COX7B2: variants seen among roughly 807,000 people sequenced by gnomAD.
COX7B2 encodes the protein cytochrome c oxidase subunit 7B2, mitochondrial.
For synonymous variants in COX7B2, 37 were observed against 32.1 expected, an observed-to-expected ratio of 1.15 and a Z score of -0.51; for missense variants, 109 against 95.9, an observed-to-expected ratio of 1.14 and a Z score of -0.57.
chr4:46,849,631 G>C (rs1396558767), intron 1 of COX7B2, among the ~76,000 whole-genome samples: 1 of 151,986 alleles, frequency 6.6e-6, no homozygotes, highest in Non-Finnish European at 1.5e-5. Flanking sequence ...GCTAAATAAG[G>C]TATTACATAA....
chr4:46,887,075 A>C (rs1177424448), intron 1 of COX7B2, among the ~76,000 whole-genome samples: 1 of 152,260 alleles, frequency 6.6e-6, no homozygotes, highest in Admixed American at 6.5e-5. Context: ...AGGAAGGCTT[A>C]ATAAAAATCA....
At chr4:46,900,951 T>A (rs1159697461) in intron 1 of COX7B2, among the ~76,000 whole-genome samples, 1 of 152,212 alleles carries the variant, frequency 6.6e-6, no homozygotes, top group Non-Finnish European at 1.5e-5. Flanking sequence ...AAACTCAACA[T>A]AATGTGAACT....
intron 2 of COX7B2, among the ~76,000 whole-genome samples, chr4:46,769,288 A>T (rs77745642): frequency 0.011 from 1,668 of 152,314 alleles, 19 homozygotes; most frequent in Middle Eastern, 0.041. Context: ...TTACAGGACA[A>T]TATTCTTGAT....
chr4:46,799,507 C>G (rs1413607511), intron 2 of COX7B2, among the ~76,000 whole-genome samples: 1 of 152,062 alleles, frequency 6.6e-6, no homozygotes, highest in African/African-American at 2.4e-5. Flanking sequence ...ACAGATAGCT[C>G]TTATTATTTC....
intron 2 of COX7B2, among the ~76,000 whole-genome samples, chr4:46,744,542 T>A (rs1281620694): frequency 1.3e-5 from 2 of 151,894 alleles, no homozygotes; most frequent in Non-Finnish European, 2.9e-5. Flanking sequence ...AGACTCTGAA[T>A]AAAAATATTT....
intron 2 of COX7B2, among the ~76,000 whole-genome samples, chr4:46,814,639 CAGTA>C (rs1368827501): frequency 2.0e-5 from 3 of 152,080 alleles, no homozygotes; most frequent in African/African-American, 7.2e-5. Context: ...TAATGAACGA[CAGTA>C]AGTGATGATA....
At chr4:46,865,319 G>T (rs1196296547) in intron 1 of COX7B2, among the ~76,000 whole-genome samples, 7 of 152,134 alleles carry the variant, frequency 4.6e-5, no homozygotes, top group Non-Finnish European at 1.0e-4. Flanking sequence ...GTAGTCCATG[G>T]TTGTGTATGT....
chr4:46,800,153 T>A (rs1718577563), intron 2 of COX7B2, among the ~76,000 whole-genome samples: 1 of 152,080 alleles, frequency 6.6e-6, no homozygotes, highest in Non-Finnish European at 1.5e-5. Context: ...GTTTACATGC[T>A]CATAAATAGA....
At chr4:46,803,412 A>AT (rs1718771584) in intron 2 of COX7B2, among the ~76,000 whole-genome samples, 1 of 152,154 alleles carries the variant, frequency 6.6e-6, no homozygotes, top group Admixed American at 6.5e-5. Context: ...TATATTCAAA[A>AT]TTTTGAGTTC....
chr4:46,826,663 T>C (rs978741907), intron 2 of COX7B2, among the ~76,000 whole-genome samples: 1 of 152,172 alleles, frequency 6.6e-6, no homozygotes, highest in Non-Finnish European at 1.5e-5. Context: ...ATATACATCA[T>C]GGAATACTAT....
intron 2 of COX7B2, among the ~76,000 whole-genome samples, chr4:46,769,863 T>G (rs142697964): frequency 6.6e-6 from 1 of 152,010 alleles, no homozygotes; most frequent in Non-Finnish European, 1.5e-5. Flanking sequence ...AAAGACCATA[T>G]ACAATAAGCC....
intron 2 of COX7B2, among the ~76,000 whole-genome samples, chr4:46,754,546 T>C (rs1489869377): frequency 6.6e-5 from 1 of 15,122 alleles, no homozygotes; most frequent in Non-Finnish European, 1.1e-4. Context: ...GGGTGGGGGG[T>C]GGGGGGAGGG....
At chr4:46,844,488 G>T (rs2109763086) in intron 2 of COX7B2, among the ~76,000 whole-genome samples, 1 of 152,062 alleles carries the variant, frequency 6.6e-6, no homozygotes, top group East Asian at 1.9e-4. Context: ...AGTCACGGAA[G>T]CATATAAATA....
intron 2 of COX7B2, among the ~76,000 whole-genome samples, chr4:46,832,143 T>G (rs1203367549): frequency 6.6e-6 from 1 of 151,990 alleles, no homozygotes; most frequent in African/African-American, 2.4e-5. Flanking sequence ...CCGTGGAAGG[T>G]TTGTTCTTTC....
chr4:46,758,689 G>A (rs1489290422), intron 2 of COX7B2, among the ~76,000 whole-genome samples: 24 of 152,200 alleles, frequency 1.6e-4, no homozygotes, highest in Admixed American at 1.6e-3. Flanking sequence ...TCTCAAAGTA[G>A]AAATTTAGTG....
chr4:46,754,810 C>T (rs981328608), intron 2 of COX7B2, among the ~76,000 whole-genome samples: 28 of 145,012 alleles, frequency 1.9e-4, no homozygotes, highest in Admixed American at 1.4e-4. Context: ...TAAAAAATTT[C>T]TCACCAACAA....
intron 2 of COX7B2, among the ~76,000 whole-genome samples, chr4:46,789,444 T>G (rs1164592732): frequency 6.6e-6 from 1 of 152,182 alleles, no homozygotes; most frequent in Non-Finnish European, 1.5e-5. Context: ...TTAACACTGT[T>G]TATTTAATAA....
chr4:46,741,505 C>T (rs571081725), intron 2 of COX7B2, among the ~76,000 whole-genome samples: 202 of 152,084 alleles, frequency 1.3e-3, no homozygotes, highest in Non-Finnish European at 2.6e-3. Flanking sequence ...AAAGGTGTAT[C>T]CTCCCCTATC....
chr4:46,860,777 C>T lies in COX7B2; in HGVS notation c.-104-15763G>A, dbSNP rs578096160. Among the ~76,000 whole-genome samples, 11 of 152,280 alleles carry T rather than the reference C, an allele frequency of 7.2e-5. No homozygotes were observed. The East Asian group carries it at 1.9e-3, about 27-fold the overall frequency. On this transcript the variant is annotated intron_variant, in intron 1 of 2. Transcript: ENST00000355591. ...CATTTACAGTTTTTGCTTTTACTCCCTGCCAACTTTATTTGAGCAATTGTG... is the reference window on the plus strand; with the variant it reads ...CATTTACAGTTTTTGCTTTTACTCCTTGCCAACTTTATTTGAGCAATTGTG...
Sources: gnomAD v4.1 joint callset for allele counts (sites outside exome capture counted in the v4.1 genomes callset) on GRCh38, gnomAD v4.1.1 for gene constraint, MANE v1.5 for transcripts, NCBI Gene and HGNC (gene_info 2026-07-23, HGNC 2026-07-21) for gene names.